Variants in ADAMTSL3 observed in about 807,000 individuals in gnomAD.
ADAMTSL3 encodes ADAMTS like 3.
ADAMTSL3 carries 128 observed loss-of-function variants against 201.7 expected under a neutral mutation model. The ratio of observed to expected loss-of-function variants is 0.63; its 90% confidence interval spans 0.55 to 0.73. ADAMTSL3 has a LOEUF of 0.73. ADAMTSL3 is among the 30% of genes least tolerant of loss of function. The probability of loss-of-function intolerance (pLI) is 0.00; values close to 1 mark genes in which losing one functional copy is unlikely to be tolerated. For missense variants in ADAMTSL3, 1,990 were observed against 2,119.6 expected (o/e 0.94, Z 1.20); for synonymous variants, 738 against 748.4 (o/e 0.99, Z 0.23).
In ADAMTSL3 at chr15:83,924,011, A is replaced by G; in HGVS notation, c.2095A>G (p.Asn699Asp). The G allele has an allele frequency of 1.9e-6, 3 of 1,614,098 alleles. No homozygotes were observed. The highest frequency in any genetic ancestry group is 2.2e-5 in the South Asian group (2 of 91,076). Reference protein sequence around the residue: ...HRPPAMSQACNTEPCPPRWHV... With the variant: ...HRPPAMSQACDTEPCPPRWHV... The stretch of plus-strand genomic sequence containing the variant: ...TCCTCCAGCCATGAGCCAGGCCTGT[A>G]ACACAGAGCCCTGTCCCCCCAGGTA... Residue 699 changes from asparagine to aspartate, a missense_variant, in exon 17 of 30, where the codon AAC becomes GAC. Physicochemically the swap from Asn to Asp is conservative, Grantham distance 23 (BLOSUM62 1). Coordinates refer to ENST00000286744, the MANE Select transcript of ADAMTSL3 (RefSeq NM_207517.3).
chr15:84,021,743 C>T (rs763306669), intron 26 of ADAMTSL3, 150 bp downstream of exon 26: 2 of 839,882 alleles, frequency 2.4e-6, no homozygotes, highest in Non-Finnish European at 3.6e-6. Context: ...ACATGGATCA[C>T]AGTGTCCTGT....
chr15:83,851,607 A>G (rs2064615187), intron 7 of ADAMTSL3, among the ~76,000 whole-genome samples: 1 of 152,230 alleles, frequency 6.6e-6, no homozygotes, highest in Non-Finnish European at 1.5e-5. Context: ...TATTACATAT[A>G]TAATATGCTG....
chr15:83,834,043 A>G (rs774830972), intron 6 of ADAMTSL3, among the ~76,000 whole-genome samples: 31 of 152,322 alleles, frequency 2.0e-4, no homozygotes, highest in Middle Eastern at 3.4e-3. Flanking sequence ...TCCTGCAGTA[A>G]CCAACAACAC....
chr15:83,809,762 AG>A (rs1171769558), intron 5 of ADAMTSL3, among the ~76,000 whole-genome samples: 1 of 152,246 alleles, frequency 6.6e-6, no homozygotes, highest in Non-Finnish European at 1.5e-5. Context: ...TCTGAAAATC[AG>A]GAGATCTCAT....
chr15:84,006,708 T>G (rs2067901191), intron 23 of ADAMTSL3, among the ~76,000 whole-genome samples: 1 of 152,238 alleles, frequency 6.6e-6, no homozygotes, highest in African/African-American at 2.4e-5. Context: ...TTCTGACGTT[T>G]TATAGCTGTT....
At chr15:83,931,521 C>T (rs1313508855) in intron 17 of ADAMTSL3, among the ~76,000 whole-genome samples, 1 of 152,164 alleles carries the variant, frequency 6.6e-6, no homozygotes, top group Non-Finnish European at 1.5e-5. Context: ...CAATTGTCAT[C>T]CAAATATGAC....
intron 4 of ADAMTSL3, among the ~76,000 whole-genome samples, chr15:83,777,519 A>T: frequency 6.6e-6 from 1 of 152,164 alleles, no homozygotes; most frequent in East Asian, 1.9e-4. Flanking sequence ...GGCCCCCTAA[A>T]ATCTTTCATA....
intron 24 of ADAMTSL3, 139 bp from the exon 25 acceptor site, chr15:84,016,244 G>C: frequency 1.5e-6 from 1 of 649,444 alleles, no homozygotes; most frequent in South Asian, 1.9e-5. Flanking sequence ...CAGACCTGTG[G>C]TCATGAGCTT....
At chr15:84,025,965 T>C (rs980089224) in intron 27 of ADAMTSL3, among the ~76,000 whole-genome samples, 1 of 152,228 alleles carries the variant, frequency 6.6e-6, no homozygotes, top group Non-Finnish European at 1.5e-5. Context: ...TAAATGAATA[T>C]ATGCACGTAA....
intron 2 of ADAMTSL3, among the ~76,000 whole-genome samples, chr15:83,696,648 A>G (rs2061692196): frequency 6.6e-6 from 1 of 152,196 alleles, no homozygotes; most frequent in Non-Finnish European, 1.5e-5. Context: ...AGTGGCCAAG[A>G]TGACGACATG....
chr15:84,029,745 G>C (rs1402937693), intron 27 of ADAMTSL3, among the ~76,000 whole-genome samples: 1 of 152,236 alleles, frequency 6.6e-6, no homozygotes, highest in African/African-American at 2.4e-5. Context: ...GGGCACGTCA[G>C]TGGTCTTCAC....
intron 3 of ADAMTSL3, among the ~76,000 whole-genome samples, chr15:83,708,306 T>A (rs1252241173): frequency 1.3e-5 from 2 of 151,988 alleles, no homozygotes; most frequent in Non-Finnish European, 1.5e-5. Flanking sequence ...ATTTGCTGTC[T>A]TGGATGAACC....
intron 3 of ADAMTSL3, among the ~76,000 whole-genome samples, chr15:83,757,120 G>C (rs1203411706): frequency 6.6e-6 from 1 of 152,208 alleles, no homozygotes; most frequent in Non-Finnish European, 1.5e-5. Flanking sequence ...CTGGAAGAAG[G>C]TGGCCCTCTT....
chr15:83,805,472 G>T (rs1264383874), intron 5 of ADAMTSL3, among the ~76,000 whole-genome samples: 1 of 151,752 alleles, frequency 6.6e-6, no homozygotes, highest in African/African-American at 2.4e-5. Flanking sequence ...AAGGAGAATT[G>T]CTTGAACCCA....
chr15:83,779,015 C>G (rs2063123950), intron 4 of ADAMTSL3, among the ~76,000 whole-genome samples: 1 of 151,946 alleles, frequency 6.6e-6, no homozygotes, highest in African/African-American at 2.4e-5. Context: ...TTTAAAAAGA[C>G]GAAGGGTATT....
At chr15:83,916,959 T>G (rs543765628) in intron 16 of ADAMTSL3, among the ~76,000 whole-genome samples, 20 of 152,210 alleles carry the variant, frequency 1.3e-4, no homozygotes, top group Non-Finnish European at 2.5e-4. Flanking sequence ...ACACTGCTTA[T>G]AGTCAGTGGT....
At chr15:83,780,713 C>G (rs961092965) in intron 4 of ADAMTSL3, among the ~76,000 whole-genome samples, 4 of 152,098 alleles carry the variant, frequency 2.6e-5, no homozygotes, top group Non-Finnish European at 5.9e-5. Flanking sequence ...CTGGAAAACC[C>G]CATAGTCTCA....
intron 19 of ADAMTSL3, among the ~76,000 whole-genome samples, chr15:83,953,541 T>G (rs767749401): frequency 6.6e-6 from 1 of 152,228 alleles, no homozygotes; most frequent in Non-Finnish European, 1.5e-5. Flanking sequence ...GTTCATCATT[T>G]AGACTTTCTA....
At chr15:83,660,766 G>A (rs957034175) in intron 2 of ADAMTSL3, among the ~76,000 whole-genome samples, 5 of 152,046 alleles carry the variant, frequency 3.3e-5, no homozygotes, top group African/African-American at 1.2e-4. Flanking sequence ...CTTTTGCCGT[G>A]CAGAAGCTCT....
Sources: allele counts gnomAD v4.1 joint callset (sites outside exome capture counted in the v4.1 genomes callset), GRCh38; gene constraint gnomAD v4.1.1; transcripts MANE v1.5; gene names NCBI Gene and HGNC (gene_info 2026-07-23, HGNC 2026-07-21).